MYO9A: variants seen among roughly 807,000 people sequenced by gnomAD.
The protein encoded by MYO9A is myosin IXA.
A neutral mutation model predicts 293.3 loss-of-function variants in MYO9A; 103 were observed. The ratio of observed to expected loss-of-function variants is 0.35; its 90% CI spans 0.30 to 0.41. MYO9A has a LOEUF of 0.41. Among genes scored for constraint, MYO9A ranks in the 10% least tolerant of loss-of-function variants. MYO9A has a pLI of 1.00. For missense variants in MYO9A, 2,685 were observed against 3,033.0 expected (o/e 0.89, Z 2.69); for synonymous variants, 1,001 against 1,035.7 (o/e 0.97, Z 0.64).
chr15:71,940,401 A>G (rs551551230), intron 15 of MYO9A, among the ~76,000 whole-genome samples: 1 of 152,106 alleles, frequency 6.6e-6, no homozygotes, highest in East Asian at 1.9e-4. Context: ...CTGATGTGGG[A>G]GAACTGCTTG....
intron 38 of MYO9A, 125 bp downstream of exon 38, chr15:71,849,911 G>T: frequency 1.1e-6 from 1 of 945,904 alleles, no homozygotes; most frequent in Non-Finnish European, 1.5e-6. Context: ...ACCCAGCAGT[G>T]TCCAACAATC....
chr15:72,035,978 T>C (rs1469799071), intron 2 of MYO9A, among the ~76,000 whole-genome samples: 1 of 152,132 alleles, frequency 6.6e-6, no homozygotes, highest in African/African-American at 2.4e-5. Flanking sequence ...CTATAAAAGG[T>C]AATATTTTAA....
intron 14 of MYO9A, among the ~76,000 whole-genome samples, chr15:71,957,509 T>C (rs184330852): frequency 2.0e-4 from 30 of 152,270 alleles, no homozygotes; most frequent in African/African-American, 6.7e-4. Context: ...AAAAGTTTAT[T>C]TAAATCTATT....
chr15:71,895,435 T>C (rs144399284), intron 25 of MYO9A, among the ~76,000 whole-genome samples: 3 of 152,326 alleles, frequency 2.0e-5, no homozygotes, highest in Admixed American at 2.0e-4. Context: ...TAACCTAGTA[T>C]TACTTTCTAA....
chr15:71,949,136 C>T (rs1446451925), intron 15 of MYO9A, among the ~76,000 whole-genome samples: 2 of 152,000 alleles, frequency 1.3e-5, no homozygotes, highest in Non-Finnish European at 1.5e-5. Context: ...CTATAATGTG[C>T]CTAGGTGTAG....
intron 11 of MYO9A, among the ~76,000 whole-genome samples, chr15:71,985,109 G>A (rs1381077040): frequency 6.6e-6 from 1 of 152,044 alleles, no homozygotes. Flanking sequence ...TAGTAAAGAT[G>A]GGGTTTCACC....
In MYO9A at chr15:71,879,800, G is replaced by T; in HGVS notation, c.5660C>A (p.Thr1887Lys). ...TTTTTTAAATACAACATCCACTAGT[G>T]TATCCTTCTTGCTGTCTTCATTATC... ...DLDNEDSKKDTLVDVVFKKAL... is the reference protein window; with the variant it reads ...DLDNEDSKKDKLVDVVFKKAL... Residue 1887 changes from threonine to lysine, a missense_variant, in exon 30 of 42, where the codon ACA becomes AAA. Around this residue, in one of 10 missense-constraint regions of MYO9A, gnomAD observed 1,434 missense variants for 1,497.7 expected, o/e 0.96. Coordinates refer to ENST00000356056, the MANE Select transcript of MYO9A (RefSeq NM_006901.4). The T allele has an allele frequency of 6.2e-7, 1 of 1,613,524 alleles. No homozygotes were observed. Among genetic ancestry groups the T allele is most frequent in the Non-Finnish European group, 8.5e-7 (1 of 1,179,684 alleles).
At chr15:71,887,516 C>A (rs1043128408) in intron 27 of MYO9A, among the ~76,000 whole-genome samples, 1 of 152,100 alleles carries the variant, frequency 6.6e-6, no homozygotes, top group Non-Finnish European at 1.5e-5. Context: ...GAGGAATCTA[C>A]CAACTTTACT....
At chr15:72,028,218 A>ATATATATATATATATATATATAT (rs1555408278) in intron 3 of MYO9A, among the ~76,000 whole-genome samples, 9 of 134,240 alleles carry the variant, frequency 6.7e-5, no homozygotes, top group Non-Finnish European at 1.3e-4. Flanking sequence ...TAAATAAATA[A>ATATATATATATATATATATATAT]ATATATATAT....
chr15:71,904,137 C>A, intron 20 of MYO9A, 98 bp from the exon 21 acceptor site: 1 of 946,924 alleles, frequency 1.1e-6, no homozygotes, highest in Non-Finnish European at 1.6e-6. Context: ...TAGAGATTGA[C>A]TGGAGGTTGT....
At chr15:71,976,612 A>T (rs1291438415) in intron 12 of MYO9A, among the ~76,000 whole-genome samples, 1 of 152,228 alleles carries the variant, frequency 6.6e-6, no homozygotes, top group African/African-American at 2.4e-5. Flanking sequence ...ATAAACATAT[A>T]CCAGAGGTAG....
Position 71,901,281 on chromosome 15 carries a change from G to A in MYO9A, c.3060C>T (p.Leu1020=). ...HLQDLLHQEV[L]RRIILLQRWF... ...ATCGCTGCAACAATATGATTCTGCG[G>A]AGCACCTCTTGGTGAAGCAGATCTT... Residue 1020 remains leucine, a synonymous_variant, in exon 23 of 42, where the codon CTC becomes CTT. Coordinates refer to ENST00000356056, the MANE Select transcript of MYO9A (RefSeq NM_006901.4). The A allele has an allele frequency of 2.5e-6, 4 of 1,613,992 alleles. No individual in the cohort carries two copies. The African/African-American group carries it at 5.3e-5, about 22-fold the overall frequency.
chr15:71,859,240 T>TA (rs2056008962), intron 34 of MYO9A, among the ~76,000 whole-genome samples: 1 of 152,240 alleles, frequency 6.6e-6, no homozygotes, highest in Non-Finnish European at 1.5e-5. Flanking sequence ...CTGAATTTTT[T>TA]AAAAAGATTA....
At chr15:72,087,904 C>A (rs1290836681) in intron 1 of MYO9A, among the ~76,000 whole-genome samples, 1 of 152,144 alleles carries the variant, frequency 6.6e-6, no homozygotes, top group Non-Finnish European at 1.5e-5. Context: ...AAGCCCCAAT[C>A]TGCAATGTGA....
At chr15:72,059,104 T>C (rs1460310579) in intron 1 of MYO9A, among the ~76,000 whole-genome samples, 1 of 152,220 alleles carries the variant, frequency 6.6e-6, no homozygotes, top group Non-Finnish European at 1.5e-5. Flanking sequence ...TCTGTATATT[T>C]AGAAATTACT....
chr15:72,106,616 T>G (rs1483117109), intron 1 of MYO9A, among the ~76,000 whole-genome samples: 1 of 152,196 alleles, frequency 6.6e-6, no homozygotes, highest in Admixed American at 6.5e-5. Flanking sequence ...TTATTTTTTT[T>G]TTGAAATAGG....
chr15:71,930,384 T>TG (rs1343368877), intron 18 of MYO9A, among the ~76,000 whole-genome samples: 2 of 152,196 alleles, frequency 1.3e-5, no homozygotes, highest in East Asian at 3.8e-4. Flanking sequence ...GATGCTACAA[T>TG]GTTGGGTGCA....
intron 27 of MYO9A, among the ~76,000 whole-genome samples, chr15:71,886,156 C>T (rs8033997): frequency 0.94 from 139,593 of 148,618 alleles, 65,724 homozygotes; most frequent in Non-Finnish European, 0.97. Context: ...CTCAAATATA[C>T]GGTGATCAGT....
chr15:71,830,189 G>A lies in MYO9A; in HGVS notation c.6960C>T (p.Asp2320=), dbSNP rs756041681. 1 of 1,614,080 alleles carries A rather than the reference G, an allele frequency of 6.2e-7. No individual in the cohort carries two copies. Among genetic ancestry groups the A allele is most frequent in the Admixed American group, 1.7e-5 (1 of 60,010 alleles). Residue 2320 remains aspartate, a synonymous_variant, in exon 40 of 42, where the codon GAC becomes GAT. Transcript: ENST00000356056. ...TAGCTGCTTGCTGCTGTTCTGTGAT[G>A]TCAGTCTCCATGGCTGCCTCACTAG... is the stretch of plus-strand genomic sequence containing the variant. ...TLTSEAAMET[D]ITEQQQAAMQ...
Sources: gnomAD v4.1 joint callset for allele counts (sites outside exome capture counted in the v4.1 genomes callset) on GRCh38, gnomAD v4.1.1 for gene constraint, gnomAD v4.1.1 regional missense constraint, MANE v1.5 for transcripts, NCBI Gene and HGNC (gene_info 2026-07-23, HGNC 2026-07-21) for gene names.